The following IL27RA variants were observed in gnomAD, a reference collection of about 807,000 sequenced individuals.
IL27RA encodes interleukin 27 receptor subunit alpha.
Under a neutral mutation model 80.8 loss-of-function variants are expected in IL27RA, and 61 were observed. That is an observed-to-expected ratio of 0.76 (90% confidence interval 0.61 to 0.93). The LOEUF (loss-of-function observed/expected upper bound fraction) is 0.93. Among genes scored for constraint, IL27RA ranks in the 40% least tolerant of loss-of-function variants. The pLI, the probability that IL27RA is intolerant of heterozygous loss-of-function variation, is 0.00. For missense variants in IL27RA, 735 were observed against 808.1 expected (o/e 0.91, Z 1.10); for synonymous variants, 316 against 332.5 (o/e 0.95, Z 0.54).
At chr19:14,048,390 G>A (rs767218579) in intron 8 of IL27RA, among the ~76,000 whole-genome samples, 15 of 152,142 alleles carry the variant, frequency 9.9e-5, no homozygotes, top group East Asian at 1.9e-4. Context: ...CCAAAGAAGC[G>A]AAGGCCCAAT....
At chr19:14,038,898 AAGAG>A (rs1217399446) in intron 2 of IL27RA, among the ~76,000 whole-genome samples, 8 of 151,212 alleles carry the variant, frequency 5.3e-5, no homozygotes, top group Admixed American at 2.0e-4. Flanking sequence ...AGAAAAAAAA[AAGAG>A]AGAGAGAAAG....
In IL27RA at chr19:14,052,732, A is replaced by G. The variant is rs1159788159; in HGVS notation, c.*442A>G. The G allele has an allele frequency of 6.4e-6, 1 of 155,074 alleles. No homozygotes were observed. Among genetic ancestry groups the G allele is most frequent in the Non-Finnish European group, 1.4e-5 (1 of 70,084 alleles). 9.6% of individuals were successfully genotyped at this position (155,074 alleles called of 1,614,324 possible). ...TAAAACATCAAAAACAAAAACAATT[A>G]GCTGGGCATGATGGCACACACCTGT... On this transcript the variant is annotated 3_prime_UTR_variant, in exon 14 of 14. Coordinates refer to ENST00000263379, the MANE Select transcript of IL27RA (RefSeq NM_004843.4).
intron 4 of IL27RA, among the ~76,000 whole-genome samples, chr19:14,040,519 A>G (rs776553238): frequency 7.2e-5 from 11 of 151,862 alleles, no homozygotes; most frequent in Non-Finnish European, 1.6e-4. Context: ...ACTCGTCTCT[A>G]AGAAGTTAAA....
chr19:14,039,684 G>T lies in IL27RA; in HGVS notation c.376+19G>T, dbSNP rs1975959832. 3 of 1,611,854 alleles carry T rather than the reference G, an allele frequency of 1.9e-6. No individual in the cohort carries two copies. Among genetic ancestry groups the T allele is most frequent in the East Asian group, 2.2e-5 (1 of 44,846 alleles). On this transcript the variant is annotated intron_variant, in intron 3 of 13. Coordinates refer to ENST00000263379, the MANE Select transcript of IL27RA (RefSeq NM_004843.4). ...ACCCAAAGTAACGTGGCAGGAGGGTGGGCGCTCTATGCGGGGTGGGTGCTC... is the reference window on the plus strand; with the variant it reads ...ACCCAAAGTAACGTGGCAGGAGGGTTGGCGCTCTATGCGGGGTGGGTGCTC...
At chr19:14,048,204 T>G (rs1976099410) in intron 8 of IL27RA, among the ~76,000 whole-genome samples, 1 of 146,122 alleles carries the variant, frequency 6.8e-6, no homozygotes, top group Non-Finnish European at 1.5e-5. Context: ...GCAATCCACC[T>G]GCCTTGGCCT....
intron 11 of IL27RA, 117 bp from the exon 12 acceptor site, chr19:14,051,490 T>G: frequency 2.3e-6 from 1 of 437,334 alleles, no homozygotes; most frequent in Non-Finnish European, 3.8e-6. Context: ...TGCAGTGAGC[T>G]GAGGTCGCAC....
At chr19:14,043,660 A>T (rs568211036) in intron 6 of IL27RA, among the ~76,000 whole-genome samples, 2 of 151,092 alleles carry the variant, frequency 1.3e-5, no homozygotes, top group African/African-American at 4.9e-5. Flanking sequence ...TCCTGACCTC[A>T]TGATCCAGCC....
chr19:14,032,095 T>C, intron 1 of IL27RA, 123 bp downstream of exon 1: 1 of 882,314 alleles, frequency 1.1e-6, no homozygotes, highest in South Asian at 1.7e-5. Context: ...GCCACTCGGC[T>C]CCTCCCGGGG....
rs1975821082 is a variant in IL27RA, at chr19:14,031,912, C to A, written c.40C>A (p.Leu14Met). The A allele has an allele frequency of 6.2e-7, 1 of 1,607,030 alleles. No individual in the cohort carries two copies. Among genetic ancestry groups the A allele is most frequent in the African/African-American group, 1.3e-5 (1 of 74,806 alleles). The change falls in exon 1 of 14, where the codon CTG becomes ATG. Residue 14 changes from leucine to methionine, a missense_variant. Physicochemically the swap from Leu to Met is conservative, Grantham distance 15. Coordinates refer to ENST00000263379, the MANE Select transcript of IL27RA (RefSeq NM_004843.4). ...GGGCGCCCCTTTCTGGCTGTGGCCG[C>A]TGCCCAAGCTGGCGCTGCTGCCTCT... ...GRGAPFWLWP[L>M]PKLALLPLLW... is the part of the protein sequence containing the mutation.
At position 14,031,807 on chromosome 19, in the gene IL27RA, A is replaced by G. The variant is rs1320567612; in HGVS notation, c.-66A>G. 2.9e-6 allele frequency: 4 copies of G among 1,362,066 alleles called. No individual in the cohort carries two copies. Among genetic ancestry groups the G allele is most frequent in the Non-Finnish European group, 4.0e-6 (4 of 996,750 alleles). 84.4% of individuals were successfully genotyped at this position (1,362,066 alleles called of 1,614,324 possible). On this transcript the variant is annotated 5_prime_UTR_variant, in exon 1 of 14. Transcript: ENST00000263379. Reference sequence around the variant, plus strand: ...CTCGGGCGCTGTACCCAGAGCTCGAAGAGGAGCAGCGCGGCCGCGCGGACC... The same window carrying G: ...CTCGGGCGCTGTACCCAGAGCTCGAGGAGGAGCAGCGCGGCCGCGCGGACC...
Position 14,051,665 on chromosome 19 carries a change from G to T in IL27RA, c.1587G>T (p.Leu529=). ...TCCTATTCTTGTGGGGCTTGTTCCT[G>T]TTGGGGTGTGGCCTGAGCCTGGCCA... is the stretch of plus-strand genomic sequence containing the variant. The part of the protein sequence containing the change: ...PGILFLWGLF[L]LGCGLSLATS... Residue 529 remains leucine (L), a synonymous_variant, in exon 12 of 14, where the codon CTG becomes CTT. Coordinates refer to ENST00000263379, the MANE Select transcript of IL27RA (RefSeq NM_004843.4). The T allele has an allele frequency of 6.2e-7, 1 of 1,613,332 alleles. No homozygotes were observed. The highest frequency in any genetic ancestry group is 8.5e-7 in the Non-Finnish European group (1 of 1,179,562).
intron 4 of IL27RA, among the ~76,000 whole-genome samples, chr19:14,040,937 T>G (rs1400314511): frequency 1.6e-4 from 24 of 151,876 alleles, no homozygotes; most frequent in Non-Finnish European, 3.2e-4. Context: ...CGTTTTGCTC[T>G]TAATTGCCCA....
Position 14,052,160 on chromosome 19 carries a change from C to T in IL27RA, c.1781C>T (p.Pro594Leu), listed in dbSNP as rs139468413. 1.2e-4 allele frequency: 189 copies of T among 1,613,200 alleles called. No individual in the cohort carries two copies. The highest frequency in any genetic ancestry group is 1.5e-4 in the Admixed American group (9 of 59,892). ...PILEVEEMEP[P>L]PVMESSQPAQ... ...CTGGAAGTGGAGGAGATGGAGCCCC[C>T]GCCGGTTATGGAGTCCTCCCAGCCC... Residue 594 changes from proline (P) to leucine (L), a missense_variant, in exon 14 of 14, where the codon CCG (proline) becomes CTG (leucine). Coordinates refer to ENST00000263379, the MANE Select transcript of IL27RA (RefSeq NM_004843.4).
chr19:14,038,497 G>T (rs1975937331), intron 2 of IL27RA, among the ~76,000 whole-genome samples: 1 of 149,376 alleles, frequency 6.7e-6, no homozygotes, highest in Non-Finnish European at 1.5e-5. Flanking sequence ...AGGATTGCTT[G>T]AGCCTAGGAG....
chr19:14,046,278 T>C lies in IL27RA; in HGVS notation c.893T>C (p.Val298Ala). 1.2e-6 allele frequency: 2 copies of C among 1,614,024 alleles called. No individual in the cohort carries two copies. Among genetic ancestry groups the C allele is most frequent in the Non-Finnish European group, 1.7e-6 (2 of 1,180,002 alleles). ...CCCAGTGGGGCGGAGTGGGCCAGGG[T>C]GTCCGCTGTCAACGCCACAAGCTGG... is the stretch of plus-strand genomic sequence containing the variant. ...LIPSGAEWARVSAVNATSWEP... is the reference protein window; with the variant it reads ...LIPSGAEWARASAVNATSWEP... The change falls in exon 7 of 14, where the codon GTG (valine) becomes GCG (alanine). Residue 298 changes from valine to alanine, a missense_variant. Physicochemically the swap from Val to Ala is moderately conservative, Grantham distance 64. Coordinates refer to ENST00000263379, the MANE Select transcript of IL27RA (RefSeq NM_004843.4).
intron 2 of IL27RA, among the ~76,000 whole-genome samples, chr19:14,034,430 C>G (rs1975867881): frequency 6.6e-6 from 1 of 151,960 alleles, no homozygotes; most frequent in East Asian, 1.9e-4. Flanking sequence ...GAGGCCGAGA[C>G]AGGCAGATCA....
intron 8 of IL27RA, among the ~76,000 whole-genome samples, chr19:14,048,439 G>A (rs1209353891): frequency 1.3e-5 from 2 of 152,162 alleles, no homozygotes; most frequent in African/African-American, 4.8e-5. Context: ...ATGTGGATGT[G>A]ATAGGGTTTA....
Position 14,051,951 on chromosome 19 carries a change from G to C in IL27RA, c.1694G>C (p.Ser565Thr), listed in dbSNP as rs1336151146. 6.3e-7 allele frequency: 1 copy of C among 1,587,126 alleles called. No individual in the cohort carries two copies. Among genetic ancestry groups the C allele is most frequent in the Non-Finnish European group, 8.6e-7 (1 of 1,165,770 alleles). Reference protein sequence around the residue: ...WEKVPDPANSSSGQPHMEQVP... With the variant: ...WEKVPDPANSTSGQPHMEQVP... ...AAAGTTCCTGATCCTGCCAACAGCAGTTCAGGCCAGCCCCACATGGAGGTG... is the reference window on the plus strand; with the variant it reads ...AAAGTTCCTGATCCTGCCAACAGCACTTCAGGCCAGCCCCACATGGAGGTG... Residue 565 changes from serine to threonine, a missense_variant, in exon 13 of 14, where the codon AGT becomes ACT. Physicochemically the swap from Ser to Thr is moderately conservative, Grantham distance 58. Coordinates refer to ENST00000263379, the MANE Select transcript of IL27RA (RefSeq NM_004843.4).
intron 4 of IL27RA, among the ~76,000 whole-genome samples, chr19:14,041,344 T>C (rs1039031401): frequency 6.8e-4 from 103 of 152,020 alleles, no homozygotes; most frequent in Non-Finnish European, 2.9e-4. Flanking sequence ...ATTACAGGCA[T>C]GTGCCACCAT....
Sources: gnomAD v4.1 joint callset for allele counts (sites outside exome capture counted in the v4.1 genomes callset) on GRCh38, gnomAD v4.1.1 for gene constraint, MANE v1.5 for transcripts, NCBI Gene and HGNC (gene_info 2026-07-23, HGNC 2026-07-21) for gene names.